Variants in FOXP4 observed in about 807,000 individuals in gnomAD.
FOXP4 encodes the protein forkhead box P4, also known as forkhead box protein P4.
Under a neutral mutation model 82.6 loss-of-function variants are expected in FOXP4, and 25 were observed. That is an observed-to-expected ratio of 0.30 (90% confidence interval 0.22 to 0.42). The LOEUF (loss-of-function observed/expected upper bound fraction) is 0.42. FOXP4 is among the 10% of genes least tolerant of loss of function. The pLI is 1.00. For synonymous variants in FOXP4, 415 were observed against 388.2 expected (o/e 1.07, Z -0.81); for missense variants, 785 against 900.9 (o/e 0.87, Z 1.65).
intron 5 of FOXP4, among the ~76,000 whole-genome samples, chr6:41,586,279 C>T (rs1288176442): frequency 6.6e-6 from 1 of 151,882 alleles, no homozygotes; most frequent in African/African-American, 2.4e-5. Context: ...CCCCACCCTA[C>T]CCCATGCTTC....
At chr6:41,579,661 C>T (rs1454834157) in intron 3 of FOXP4, among the ~76,000 whole-genome samples, 2 of 152,154 alleles carry the variant, frequency 1.3e-5, no homozygotes, top group African/African-American at 4.8e-5. Context: ...CCTTAGGAAA[C>T]TCCCTCCCTC....
At chr6:41,563,357 T>C (rs769638579) in intron 1 of FOXP4, among the ~76,000 whole-genome samples, 29 of 151,518 alleles carry the variant, frequency 1.9e-4, no homozygotes, top group Non-Finnish European at 3.5e-4. Context: ...AATTTGGGAG[T>C]GGGAGGGAAA....
intron 2 of FOXP4, among the ~76,000 whole-genome samples, chr6:41,571,194 C>T (rs2127361066): frequency 6.6e-6 from 1 of 152,182 alleles, no homozygotes; most frequent in Middle Eastern, 3.4e-3. Context: ...TGCTGGAGGT[C>T]AGAGAGTTCC....
At chr6:41,586,206 G>T (rs557290956) in intron 5 of FOXP4, among the ~76,000 whole-genome samples, 2 of 152,228 alleles carry the variant, frequency 1.3e-5, no homozygotes, top group East Asian at 3.9e-4. Flanking sequence ...TGTAATTGCT[G>T]TGTTATCAGC....
chr6:41,572,305 GAGCC>G lies in FOXP4; in HGVS notation c.205-5664_205-5661del, dbSNP rs1282066251. 1.1e-3 allele frequency among the ~76,000 whole-genome samples: 161 copies of G among 152,212 alleles called. 1 individual carries two copies. Among genetic ancestry groups the G allele is most frequent in the Non-Finnish European group, 1.0e-4 (7 of 68,026 alleles). ...AGGCCTTCCCTGGCCACACACCCTA[GAGCC>G]AGCCAGCCAGCCAGCCTCCATGGGA... On this transcript the variant is annotated intron_variant, in intron 2 of 16. Coordinates refer to ENST00000307972, the MANE Select transcript of FOXP4 (RefSeq NM_001012426.2).
intron 1 of FOXP4, among the ~76,000 whole-genome samples, chr6:41,561,725 C>T (rs1764592442): frequency 6.6e-6 from 1 of 152,238 alleles, no homozygotes; most frequent in African/African-American, 2.4e-5. Context: ...GCAGACCGAC[C>T]ATCAGTGCCT....
At chr6:41,581,001 A>G (rs6917258) in intron 3 of FOXP4, among the ~76,000 whole-genome samples, 152,360 of 152,368 alleles carry the variant, frequency 1, 76,176 homozygotes, top group Non-Finnish European at 1. Flanking sequence ...CCAGGGAGAG[A>G]CCTATCATAG....
chr6:41,551,072 G>A (rs1428335413), intron 1 of FOXP4, among the ~76,000 whole-genome samples: 1 of 152,198 alleles, frequency 6.6e-6, no homozygotes, highest in Non-Finnish European at 1.5e-5. Flanking sequence ...TCAGTCCACT[G>A]CCAGTTCCAC....
At chr6:41,560,517 C>G (rs186141649) in intron 1 of FOXP4, among the ~76,000 whole-genome samples, 123 of 152,382 alleles carry the variant, frequency 8.1e-4, no homozygotes, top group Middle Eastern at 3.4e-3. Context: ...GGCCTCATCT[C>G]CACTCCAGCT....
chr6:41,565,658 C>T (rs1478637719), intron 1 of FOXP4, 87 bp from the exon 2 acceptor site: 16 of 1,243,854 alleles, frequency 1.3e-5, no homozygotes, highest in East Asian at 1.2e-4. Flanking sequence ...ACTCCTGTGG[C>T]GATGGTTATG....
rs1448514830 is a variant in FOXP4, at chr6:41,584,817, C to G, written c.349C>G (p.Gln117Glu). ...GTCGCCGCAGATGCTTACCCCGCAA[C>G]AGATGCAGCAGATCCTGTCGCCCCC... ...MMSPQMLTPQ[Q>E]MQQILSPPQL... is the part of the protein sequence containing the mutation. The change falls in exon 4 of 17, where the codon CAG becomes GAG. Residue 117 changes from glutamine (Q) to glutamate (E), a missense_variant. Physicochemically the swap from Gln to Glu is conservative, Grantham distance 29. This residue lies in a region of FOXP4 where 570 missense variants were observed against 634.0 expected (regional missense o/e 0.90). Coordinates refer to ENST00000307972, the MANE Select transcript of FOXP4 (RefSeq NM_001012426.2). 1 of 1,607,310 alleles carries G rather than the reference C, an allele frequency of 6.2e-7. No individual in the cohort carries two copies.
chr6:41,574,679 C>G (rs4714486), intron 2 of FOXP4, among the ~76,000 whole-genome samples: 1 of 151,920 alleles, frequency 6.6e-6, no homozygotes, highest in Non-Finnish European at 1.5e-5. Context: ...GAGTTAGGAC[C>G]CATTATTTCC....
Position 41,590,160 on chromosome 6 carries a change from C to G in FOXP4, c.1347C>G (p.Pro449=). 1 of 1,606,076 alleles carries G rather than the reference C, an allele frequency of 6.2e-7. No individual in the cohort carries two copies. Among genetic ancestry groups the G allele is most frequent in the Non-Finnish European group, 8.5e-7 (1 of 1,174,416 alleles). Residue 449 remains proline, a synonymous_variant, in exon 11 of 17, where the codon CCC becomes CCG. Transcript: ENST00000307972. The part of the protein sequence containing the change: ...RRRSSDKFCS[P]ISSELAQNHE... ...GAAGCAGTGACAAGTTCTGCTCCCC[C>G]ATCTCCTCAGGTGAGGGTGGGCTGG...
At position 41,599,124 on chromosome 6, in the gene FOXP4, C is replaced by G; in HGVS notation, c.*188C>G. On this transcript the variant is annotated 3_prime_UTR_variant, in exon 17 of 17. Coordinates refer to ENST00000307972, the MANE Select transcript of FOXP4 (RefSeq NM_001012426.2). ...GTAGGGGCAGGGACGGTCCCCACCC[C>G]CAGGGACACAACCCCTGGTCTTGGA... 1.4e-6 allele frequency: 1 copy of G among 721,736 alleles called. No homozygotes were observed. Among genetic ancestry groups the G allele is most frequent in the South Asian group, 2.2e-5 (1 of 45,598 alleles). 44.7% of individuals were successfully genotyped at this position (721,736 alleles called of 1,614,324 possible).
intron 2 of FOXP4, among the ~76,000 whole-genome samples, chr6:41,568,668 G>C (rs1267701513): frequency 1.3e-5 from 2 of 148,256 alleles, no homozygotes; most frequent in Non-Finnish European, 3.0e-5. Flanking sequence ...TGGACCACAC[G>C]CTGGTCCCAT....
chr6:41,590,588 A>G (rs1289017720), intron 12 of FOXP4, among the ~76,000 whole-genome samples: 1 of 151,914 alleles, frequency 6.6e-6, no homozygotes, highest in Non-Finnish European at 1.5e-5. Context: ...ACTGACACCC[A>G]CCGTGGCATT....
At chr6:41,554,955 TTAA>T (rs1764194922) in intron 1 of FOXP4, among the ~76,000 whole-genome samples, 1 of 150,898 alleles carries the variant, frequency 6.6e-6, no homozygotes, top group Non-Finnish European at 1.5e-5. Context: ...ACACAGCTAC[TTAA>T]TAACTGATGG....
intron 14 of FOXP4, 67 bp downstream of exon 14, chr6:41,595,058 C>G (rs1766750202): frequency 6.2e-7 from 1 of 1,603,260 alleles, no homozygotes; most frequent in Non-Finnish European, 8.5e-7. Flanking sequence ...ACCCCCACCC[C>G]CTACCTCTCC....
Position 41,598,710 on chromosome 6 carries a change from T to C in FOXP4, c.1896-79T>C, listed in dbSNP as rs115559004. 1,544 of 1,544,044 alleles carry C rather than the reference T, an allele frequency of 1.0e-3. 10 individuals carry two copies. In the African/African-American group the frequency reaches 0.018, roughly 18 times the overall value. ...TGGGCACCCCACTGTGCCCCAGAGT[T>C]CTGGGTGAGTTTGGGGGGCAGGGGG... On this transcript the variant is annotated intron_variant, in intron 16 of 16. Coordinates refer to ENST00000307972, the MANE Select transcript of FOXP4 (RefSeq NM_001012426.2).
Sources: gnomAD v4.1 joint callset for allele counts (sites outside exome capture counted in the v4.1 genomes callset) on GRCh38, gnomAD v4.1.1 for gene constraint, gnomAD v4.1.1 regional missense constraint, MANE v1.5 for transcripts, NCBI Gene and HGNC (gene_info 2026-07-23, HGNC 2026-07-21) for gene names.